PLCB1: variants seen among roughly 807,000 people sequenced by gnomAD.
PLCB1 encodes the protein 1-phosphatidylinositol 4,5-bisphosphate phosphodiesterase beta-1.
In PLCB1, 46 loss-of-function variants were observed where a neutral mutation model predicts 161.8. That is an observed-to-expected ratio of 0.28 (90% confidence interval 0.22 to 0.36). The LOEUF (loss-of-function observed/expected upper bound fraction) is 0.36, where lower values mean the gene tolerates loss of function less well. Ranked by LOEUF, PLCB1 falls within the 10% of genes least tolerant of loss-of-function variation. The probability of loss-of-function intolerance (pLI) is 1.00; values close to 1 mark genes in which losing one functional copy is unlikely to be tolerated. For missense variants in PLCB1, 1,016 were observed against 1,472.5 expected, an observed-to-expected ratio of 0.69 and a Z score of 5.07; for synonymous variants, 517 against 503.7, an observed-to-expected ratio of 1.03 and a Z score of -0.35.
intron 27 of PLCB1, among the ~76,000 whole-genome samples, chr20:8,786,880 T>C (rs1319325227): frequency 6.6e-6 from 1 of 152,056 alleles, no homozygotes; most frequent in Non-Finnish European, 1.5e-5. Context: ...ACTTTCTGTA[T>C]TTTTAGTAGA....
intron 2 of PLCB1, among the ~76,000 whole-genome samples, chr20:8,238,795 C>G (rs1349345617): frequency 6.6e-6 from 1 of 151,698 alleles, no homozygotes; most frequent in Non-Finnish European, 1.5e-5. Flanking sequence ...CTGAGACAAG[C>G]CACTGGGCCT....
At chr20:8,335,594 C>T (rs1985542594) in intron 2 of PLCB1, among the ~76,000 whole-genome samples, 1 of 152,120 alleles carries the variant, frequency 6.6e-6, no homozygotes, top group South Asian at 2.1e-4. Context: ...CTGGTCCCCA[C>T]CCGTAGTTGC....
At chr20:8,520,708 A>G (rs1333851152) in intron 3 of PLCB1, among the ~76,000 whole-genome samples, 1 of 152,178 alleles carries the variant, frequency 6.6e-6, no homozygotes, top group Non-Finnish European at 1.5e-5. Context: ...TTCTGTGGGT[A>G]TAAATAACTT....
intron 3 of PLCB1, among the ~76,000 whole-genome samples, chr20:8,619,271 T>C (rs956435966): frequency 1.3e-5 from 2 of 151,942 alleles, no homozygotes; most frequent in Non-Finnish European, 2.9e-5. Flanking sequence ...ATACAAAAAT[T>C]AGCCGGGCGT....
At chr20:8,340,768 A>T (rs1985779090) in intron 2 of PLCB1, among the ~76,000 whole-genome samples, 1 of 152,152 alleles carries the variant, frequency 6.6e-6, no homozygotes, top group East Asian at 1.9e-4. Flanking sequence ...TTAAAAATGA[A>T]TTGTTACCAC....
At chr20:8,542,629 A>G (rs989873601) in intron 3 of PLCB1, among the ~76,000 whole-genome samples, 1 of 152,232 alleles carries the variant, frequency 6.6e-6, no homozygotes, top group Non-Finnish European at 1.5e-5. Flanking sequence ...GAAAAGTTTC[A>G]GTGACATTTG....
intron 2 of PLCB1, among the ~76,000 whole-genome samples, chr20:8,329,283 A>G (rs1181839056): frequency 6.6e-6 from 1 of 151,548 alleles, no homozygotes; most frequent in African/African-American, 2.4e-5. Flanking sequence ...CAGGTCTTTG[A>G]GTATAGGTGG....
intron 13 of PLCB1, among the ~76,000 whole-genome samples, chr20:8,717,207 T>C (rs969870020): frequency 6.6e-6 from 1 of 152,160 alleles, no homozygotes; most frequent in African/African-American, 2.4e-5. Flanking sequence ...AGTACCAGGA[T>C]GGGGATTTTG....
At chr20:8,136,027 C>G (rs902982156) in intron 1 of PLCB1, among the ~76,000 whole-genome samples, 1 of 152,066 alleles carries the variant, frequency 6.6e-6, no homozygotes, top group African/African-American at 2.4e-5. Flanking sequence ...ACAATAGGAC[C>G]CCCAGCCACT....
chr20:8,663,703 G>T (rs75318029), intron 9 of PLCB1, among the ~76,000 whole-genome samples: 3 of 152,042 alleles, frequency 2.0e-5, no homozygotes, highest in Non-Finnish European at 4.4e-5. Flanking sequence ...TATTCTCCTG[G>T]GAGTGTGGTT....
chr20:8,507,469 T>C lies in PLCB1; in HGVS notation c.247-120825T>C, dbSNP rs527539025. Among the ~76,000 whole-genome samples, 15 of 152,350 alleles carry C rather than the reference T, an allele frequency of 9.8e-5. No homozygotes were observed. The East Asian group carries it at 2.7e-3, about 27-fold the overall frequency. On this transcript the variant is annotated intron_variant, in intron 3 of 31. Coordinates refer to ENST00000338037, the MANE Select transcript of PLCB1 (RefSeq NM_015192.4). Reference sequence around the variant, plus strand: ...AAGTTACTGCATGATTGTCAGGATCTGAGAAAGCAACTGAGAAGTAATAGT... The same window carrying C: ...AAGTTACTGCATGATTGTCAGGATCCGAGAAAGCAACTGAGAAGTAATAGT...
At chr20:8,242,041 T>C (rs980425345) in intron 2 of PLCB1, among the ~76,000 whole-genome samples, 3 of 151,908 alleles carry the variant, frequency 2.0e-5, no homozygotes, top group African/African-American at 7.2e-5. Flanking sequence ...AAGAAACTCA[T>C]TGGGGTCTCA....
intron 3 of PLCB1, among the ~76,000 whole-genome samples, chr20:8,408,378 A>G (rs2088759621): frequency 6.6e-6 from 1 of 152,018 alleles, no homozygotes; most frequent in Non-Finnish European, 1.5e-5. Context: ...ACACCTGTGA[A>G]TAGCCACTGC....
chr20:8,181,197 C>T (rs1206202650), intron 2 of PLCB1, among the ~76,000 whole-genome samples: 50 of 143,926 alleles, frequency 3.5e-4, no homozygotes, highest in Admixed American at 3.3e-3. Flanking sequence ...TGCAGTGAGC[C>T]GAGATCATGC....
intron 3 of PLCB1, among the ~76,000 whole-genome samples, chr20:8,439,330 G>A (rs1423818985): frequency 1.3e-5 from 2 of 152,024 alleles, no homozygotes; most frequent in Non-Finnish European, 2.9e-5. Flanking sequence ...ACTCTTTATT[G>A]GCTCATTTCA....
At chr20:8,553,103 A>G (rs1006404770) in intron 3 of PLCB1, among the ~76,000 whole-genome samples, 1 of 152,168 alleles carries the variant, frequency 6.6e-6, no homozygotes, top group Non-Finnish European at 1.5e-5. Context: ...TTTGTTGCAA[A>G]TGCCAAAGCA....
In PLCB1 at chr20:8,150,290, C is replaced by T. The variant is rs1489923764; in HGVS notation, c.100-4C>T. On this transcript the variant is annotated splice_polypyrimidine_tract_variant and splice_region_variant and intron_variant, in intron 1 of 31. Transcript: ENST00000338037. ...GATATTCATGTTTCTTCTTACATTT[C>T]TAGGACTCAACTATTGTTACTCCAA... 1.4e-6 allele frequency: 2 copies of T among 1,379,672 alleles called. No homozygotes were observed. Among genetic ancestry groups the T allele is most frequent in the South Asian group, 2.5e-5 (2 of 81,514 alleles). 85.5% of individuals were successfully genotyped at this position (1,379,672 alleles called of 1,614,324 possible). A position where few individuals can be genotyped will look rare whatever the true frequency, so the allele number is the denominator to read the frequency against.
At chr20:8,194,668 ATGG>A (rs2052004276) in intron 2 of PLCB1, among the ~76,000 whole-genome samples, 1 of 152,042 alleles carries the variant, frequency 6.6e-6, no homozygotes. Flanking sequence ...GCTTGCTAAC[ATGG>A]TGGTAGGGAG....
At chr20:8,658,116 A>G (rs2235946) in intron 8 of PLCB1, among the ~76,000 whole-genome samples, 108,667 of 152,086 alleles carry the variant, frequency 0.71, 40,230 homozygotes, top group African/African-American at 0.91. Context: ...TTTTAAAAAC[A>G]CTCAAACGGG....
Sources: allele counts gnomAD v4.1 joint callset (sites outside exome capture counted in the v4.1 genomes callset), GRCh38; gene constraint gnomAD v4.1.1; transcripts MANE v1.5; gene names NCBI Gene and HGNC (gene_info 2026-07-23, HGNC 2026-07-21).